Variants in PKHD1 observed in about 807,000 individuals in gnomAD.
PKHD1 encodes the protein PKHD1 ciliary IPT domain containing fibrocystin/polyductin, also known as fibrocystin.
PKHD1 carries 291 observed loss-of-function variants against 412.0 expected under a neutral mutation model. The ratio of observed to expected loss-of-function variants is 0.71; its 90% CI spans 0.64 to 0.78. PKHD1 has a LOEUF of 0.78. PKHD1 is among the 30% of genes least tolerant of loss of function. The pLI is 0.00. For missense variants in PKHD1, 4,825 were observed against 4,950.7 expected (o/e 0.97, Z 0.76); for synonymous variants, 1,777 against 1,821.5 (o/e 0.98, Z 0.62).
chr6:51,837,049 T>C lies in PKHD1; in HGVS notation c.8108-580A>G, dbSNP rs1769355758. ...AATCAAAAGGCCTGATTCTTTCTGA[T>C]AATGACAATTTGATGTCAGGATAAA... On this transcript the variant is annotated intron_variant, in intron 50 of 66. Transcript: ENST00000371117. Among the ~76,000 whole-genome samples the C allele has an allele frequency of 2.0e-5, 3 of 152,208 alleles. No individual in the cohort carries two copies. The South Asian group carries it at 6.2e-4, about 32-fold the overall frequency.
In PKHD1 at chr6:51,748,678, G is replaced by A. The variant is rs112249812; in HGVS notation, c.8951-13C>T. 3.1e-4 allele frequency: 505 copies of A among 1,612,446 alleles called. 1 individual carries two copies. The African/African-American group carries it at 6.0e-3, about 19-fold the overall frequency. On this transcript the variant is annotated splice_polypyrimidine_tract_variant and intron_variant, in intron 57 of 66. Transcript: ENST00000371117. ...AGTTGAAGGACACCTATAAACAAAT[G>A]CATGTCATCAGGTACTTTCCTCTTC...
intron 52 of PKHD1, among the ~76,000 whole-genome samples, chr6:51,818,126 T>C (rs554347288): frequency 6.6e-6 from 1 of 152,066 alleles, no homozygotes; most frequent in East Asian, 1.9e-4. Flanking sequence ...ATGTTACAAA[T>C]GAAGAAAAGC....
intron 60 of PKHD1, among the ~76,000 whole-genome samples, chr6:51,686,746 C>T (rs189642086): frequency 4.6e-5 from 7 of 152,254 alleles, no homozygotes; most frequent in African/African-American, 1.7e-4. Context: ...ACATAGTAGA[C>T]TCAGTAATAT....
At chr6:51,892,066 A>G (rs1000441358) in intron 43 of PKHD1, among the ~76,000 whole-genome samples, 1 of 152,094 alleles carries the variant, frequency 6.6e-6, no homozygotes, top group African/African-American at 2.4e-5. Context: ...ATAGACAGCC[A>G]TTTCTTCCTC....
At chr6:51,732,019 CAGTAAAA>C (rs1473787578) in intron 60 of PKHD1, among the ~76,000 whole-genome samples, 1 of 152,022 alleles carries the variant, frequency 6.6e-6, no homozygotes, top group Non-Finnish European at 1.5e-5. Flanking sequence ...CATGGCATAA[CAGTAAAA>C]AGCACAACAG....
intron 35 of PKHD1, among the ~76,000 whole-genome samples, chr6:51,984,443 A>C (rs916930062): frequency 6.6e-6 from 1 of 152,244 alleles, no homozygotes; most frequent in Non-Finnish European, 1.5e-5. Context: ...AGAAAAGCAT[A>C]CTCACACATA....
At chr6:51,751,062 C>A (rs1409810882) in intron 57 of PKHD1, among the ~76,000 whole-genome samples, 1 of 152,160 alleles carries the variant, frequency 6.6e-6, no homozygotes, top group African/African-American at 2.4e-5. Context: ...AAGGCATGAG[C>A]CACAGTGCCC....
At chr6:51,665,716 A>G (rs1007882196) in intron 60 of PKHD1, among the ~76,000 whole-genome samples, 1 of 152,262 alleles carries the variant, frequency 6.6e-6, no homozygotes, top group South Asian at 2.1e-4. Flanking sequence ...AAAAAGGTAG[A>G]TTGTTGTGTT....
intron 21 of PKHD1, among the ~76,000 whole-genome samples, chr6:52,051,050 C>T (rs959482821): frequency 1.3e-5 from 2 of 152,224 alleles, no homozygotes; most frequent in South Asian, 2.1e-4. Context: ...TTGTCTAATT[C>T]GTCTTCTCAT....
chr6:51,828,881 A>G (rs1175417769), intron 52 of PKHD1, among the ~76,000 whole-genome samples: 1 of 152,118 alleles, frequency 6.6e-6, no homozygotes, highest in Non-Finnish European at 1.5e-5. Flanking sequence ...ATAAGACCCC[A>G]ATCCAAATGG....
At chr6:52,032,069 A>G (rs569843548) in intron 29 of PKHD1, among the ~76,000 whole-genome samples, 1 of 152,310 alleles carries the variant, frequency 6.6e-6, no homozygotes, top group South Asian at 2.1e-4. Flanking sequence ...CCACTAAGGA[A>G]TTTTACACAC....
Position 51,638,835 on chromosome 6 carries a change from C to A in PKHD1, c.11506+14G>T. The A allele has an allele frequency of 3.1e-5, 40 of 1,289,826 alleles. No homozygotes were observed. Among genetic ancestry groups the A allele is most frequent in the Non-Finnish European group, 4.0e-5 (36 of 892,156 alleles). The allele number at this position is 1,289,826 out of a possible 1,614,324, so 79.9% of individuals were successfully genotyped here. The stretch of plus-strand genomic sequence containing the variant: ...AAAAAAAACACAGAATAAAAGCACA[C>A]TGTATAAAATTACCTGGAGGAGAAG... On this transcript the variant is annotated intron_variant, in intron 64 of 66. Transcript: ENST00000371117.
At position 51,616,782 on chromosome 6, in the gene PKHD1, G is replaced by C; in HGVS notation, c.*2299C>G. ...CATGCCTCCCAGAAAGACTGGTCTT[G>C]TGACACATAGAGGATAAATAAGAAG... On this transcript the variant is annotated 3_prime_UTR_variant, in exon 67 of 67. Transcript: ENST00000371117. The C allele has an allele frequency of 2.5e-6, 1 of 398,034 alleles. No homozygotes were observed. The highest frequency in any genetic ancestry group is 4.4e-6 in the Non-Finnish European group (1 of 225,700). The allele number at this position is 398,034 out of a possible 1,614,324, so 24.7% of individuals were successfully genotyped here.
At chr6:51,787,131 C>T (rs546552662) in intron 53 of PKHD1, among the ~76,000 whole-genome samples, 16 of 152,288 alleles carry the variant, frequency 1.1e-4, no homozygotes, top group African/African-American at 3.6e-4. Context: ...GAGGCCAAGG[C>T]AGGCGGATCA....
At chr6:51,860,848 G>A (rs889963301) in intron 48 of PKHD1, among the ~76,000 whole-genome samples, 2 of 151,816 alleles carry the variant, frequency 1.3e-5, no homozygotes, top group Admixed American at 1.3e-4. Flanking sequence ...TTTCACTCTT[G>A]TTGCCCAGGC....
chr6:51,841,993 T>C (rs555733937), intron 50 of PKHD1, among the ~76,000 whole-genome samples: 1 of 152,220 alleles, frequency 6.6e-6, no homozygotes, highest in Non-Finnish European at 1.5e-5. Flanking sequence ...TGACCCATCT[T>C]TGTGATGAGA....
In PKHD1 at chr6:51,649,169, T is replaced by C. The variant is rs770933024; in HGVS notation, c.11226A>G (p.Ala3742=). ...TGNLIYIRPY[A]LSILVQPSDG... ...CTGAAGGCTGGACTAGGATGGAAAG[T>C]GCATAGGGCCGAATATATATCAAGT... The change falls in exon 62 of 67, where the codon GCA becomes GCG. Residue 3742 remains alanine (A), a synonymous_variant. Transcript: ENST00000371117. The C allele has an allele frequency of 2.7e-5, 44 of 1,611,630 alleles. No homozygotes were observed. Among genetic ancestry groups the C allele is most frequent in the Middle Eastern group, 1.6e-4 (1 of 6,078 alleles).
chr6:51,735,828 G>A (rs1221471452), intron 60 of PKHD1, among the ~76,000 whole-genome samples: 1 of 152,140 alleles, frequency 6.6e-6, no homozygotes, highest in African/African-American at 2.4e-5. Flanking sequence ...CAGCTACTTG[G>A]AAGGCTGAGG....
rs1167986672 is a variant in PKHD1, at chr6:51,619,460, C to T, written c.11846G>A (p.Gly3949Glu). Residue 3949 changes from glycine to glutamate, a missense_variant, in exon 67 of 67, where the codon GGA (glycine) becomes GAA (glutamate). Physicochemically the swap from Gly to Glu is moderately conservative, Grantham distance 98. Transcript: ENST00000371117. ...GCGGCTAACTTTCCTTCTGGACACT[C>T]CATTCATCAACTGGTGGGGGCACTG... is the stretch of plus-strand genomic sequence containing the variant. ...VNQCPHQLMN[G>E]VSRRKVSRHI... is the part of the protein sequence containing the mutation. The T allele has an allele frequency of 1.2e-6, 2 of 1,614,076 alleles. No individual in the cohort carries two copies. Among genetic ancestry groups the T allele is most frequent in the East Asian group, 4.5e-5 (2 of 44,882 alleles).
Sources: allele counts gnomAD v4.1 joint callset (sites outside exome capture counted in the v4.1 genomes callset), GRCh38; gene constraint gnomAD v4.1.1; transcripts MANE v1.5; gene names NCBI Gene and HGNC (gene_info 2026-07-23, HGNC 2026-07-21).